The following MECOM variants were observed in gnomAD, a reference collection of about 807,000 sequenced individuals.
The protein encoded by MECOM is histone-lysine N-methyltransferase MECOM.
A neutral mutation model predicts 116.3 loss-of-function variants in MECOM; 13 were observed. That is an observed-to-expected ratio of 0.11 (90% CI 0.07 to 0.18). MECOM has a LOEUF of 0.18. MECOM is among the 10% of genes least tolerant of loss of function. The pLI, the probability that MECOM is intolerant of heterozygous loss-of-function variation, is 1.00. For synonymous variants in MECOM, 528 were observed against 535.2 expected (o/e 0.99, Z 0.19); for missense variants, 1,299 against 1,509.0 (o/e 0.86, Z 2.31).
intron 1 of MECOM, among the ~76,000 whole-genome samples, chr3:169,409,046 AG>A (rs1396658116): frequency 2.0e-5 from 3 of 152,136 alleles, no homozygotes; most frequent in Non-Finnish European, 2.9e-5. Flanking sequence ...ATGCTTAAGA[AG>A]GGGGGAAATT....
intron 1 of MECOM, among the ~76,000 whole-genome samples, chr3:169,586,581 C>T (rs746968781): frequency 5.3e-5 from 8 of 152,116 alleles, no homozygotes; most frequent in Non-Finnish European, 1.2e-4. Context: ...TTTTAATTTA[C>T]CATTTGTCAG....
At chr3:169,191,764 AAGAAAG>A (rs1559973873) in intron 2 of MECOM, among the ~76,000 whole-genome samples, 48 of 126,792 alleles carry the variant, frequency 3.8e-4, no homozygotes, top group Middle Eastern at 8.0e-3. Context: ...GAAAGAAAGA[AAGAAAG>A]AAAGAAAGAA....
intron 2 of MECOM, among the ~76,000 whole-genome samples, chr3:169,357,610 T>C (rs1371403573): frequency 6.6e-6 from 1 of 151,842 alleles, no homozygotes; most frequent in African/African-American, 2.4e-5. Flanking sequence ...CAAGGACTAA[T>C]TACAGGTGTG....
intron 1 of MECOM, among the ~76,000 whole-genome samples, chr3:169,488,078 C>A (rs1752620192): frequency 6.6e-6 from 1 of 151,886 alleles, no homozygotes; most frequent in South Asian, 2.1e-4. Context: ...GACAGCATTA[C>A]AAGAAATAAA....
chr3:169,211,252 T>G (rs1243729786), intron 2 of MECOM, among the ~76,000 whole-genome samples: 1 of 152,114 alleles, frequency 6.6e-6, no homozygotes, highest in East Asian at 1.9e-4. Context: ...ATTTTTCTAC[T>G]CTCATGGGGC....
intron 1 of MECOM, among the ~76,000 whole-genome samples, chr3:169,566,798 C>T (rs765558202): frequency 1.3e-5 from 2 of 152,222 alleles, no homozygotes; most frequent in Non-Finnish European, 2.9e-5. Flanking sequence ...CGTCTGCCCA[C>T]CTATGCAGGA....
intron 1 of MECOM, among the ~76,000 whole-genome samples, chr3:169,524,039 A>AT (rs1757688646): frequency 4.3e-5 from 6 of 138,240 alleles, no homozygotes; most frequent in Admixed American, 1.5e-4. Context: ...TATATGAATA[A>AT]ATATATATAT....
intron 2 of MECOM, among the ~76,000 whole-genome samples, chr3:169,208,895 CAA>C (rs11377362): frequency 1.5e-5 from 2 of 134,134 alleles, no homozygotes; most frequent in African/African-American, 2.8e-5. Flanking sequence ...CAATCGTAAG[CAA>C]AAAAAAAAAA....
At chr3:169,538,016 G>T (rs779833418) in intron 1 of MECOM, among the ~76,000 whole-genome samples, 4 of 152,064 alleles carry the variant, frequency 2.6e-5, no homozygotes, top group Admixed American at 2.0e-4. Context: ...AATGATACCT[G>T]GGGTCCTACC....
rs1560340637 is a variant in MECOM, at chr3:169,485,964, C to CATA, written c.38-104441_38-104440insTAT. ...ATGTATGTATATATGTACATATATA[C>CATA]TATATATACATATATATATAGTATA... On this transcript the variant is annotated intron_variant, in intron 1 of 16. Transcript: ENST00000651503. Among the ~76,000 whole-genome samples the CATA allele has an allele frequency of 2.1e-3, 198 of 94,356 alleles. 4 individuals are homozygous for CATA. The highest frequency in any genetic ancestry group is 0.01 in the African/African-American group (196 of 19,314). 61.9% of individuals were successfully genotyped at this position (94,356 alleles called of 152,430 possible).
intron 2 of MECOM, among the ~76,000 whole-genome samples, chr3:169,357,344 G>C (rs1033233628): frequency 6.6e-6 from 1 of 151,794 alleles, no homozygotes; most frequent in Non-Finnish European, 1.5e-5. Flanking sequence ...GATCCTCAGA[G>C]CTAGAGAGAA....
chr3:169,121,889 T>C lies in MECOM; in HGVS notation c.979-680A>G, dbSNP rs557114777. The stretch of plus-strand genomic sequence containing the variant: ...ACCTGGTGGGGTACAGAAATTTCCA[T>C]TGGCATGAAAAAAAAAAAGCTATTA... On this transcript the variant is annotated intron_variant, in intron 6 of 16. Transcript: ENST00000651503. Among the ~76,000 whole-genome samples the C allele has an allele frequency of 2.2e-5, 3 of 138,404 alleles. No homozygotes were observed. In the South Asian group the frequency reaches 6.8e-4, roughly 32 times the overall value. The allele number at this position is 138,404 out of a possible 152,430, so 90.8% of individuals were successfully genotyped here.
chr3:169,559,472 C>T (rs1762408575), intron 1 of MECOM, among the ~76,000 whole-genome samples: 1 of 152,180 alleles, frequency 6.6e-6, no homozygotes, highest in Non-Finnish European at 1.5e-5. Flanking sequence ...AGGCATTCTA[C>T]TATACGTCTG....
intron 1 of MECOM, among the ~76,000 whole-genome samples, chr3:169,471,250 C>T (rs1255958055): frequency 6.6e-6 from 1 of 152,138 alleles, no homozygotes; most frequent in Non-Finnish European, 1.5e-5. Flanking sequence ...CCTCGGCTTC[C>T]CAAAGTGCTG....
At chr3:169,472,508 G>GA (rs1560317589) in intron 1 of MECOM, among the ~76,000 whole-genome samples, 39 of 84,138 alleles carry the variant, frequency 4.6e-4, no homozygotes, top group East Asian at 1.5e-3. Context: ...GAAAGGAAAG[G>GA]AAAGGAAAGG....
chr3:169,209,802 C>T (rs1750471553), intron 2 of MECOM, among the ~76,000 whole-genome samples: 1 of 152,082 alleles, frequency 6.6e-6, no homozygotes, highest in Admixed American at 6.6e-5. Flanking sequence ...GTGGCGATTC[C>T]TCAAGTATCT....
chr3:169,147,476 G>T, intron 2 of MECOM: 2 of 985,490 alleles, frequency 2.0e-6, no homozygotes, highest in Non-Finnish European at 2.4e-6. Context: ...TGATCTGATC[G>T]GAAGCCAGAC....
At chr3:169,329,882 G>C (rs938458724) in intron 2 of MECOM, among the ~76,000 whole-genome samples, 3 of 152,190 alleles carry the variant, frequency 2.0e-5, no homozygotes, top group African/African-American at 7.2e-5. Context: ...ACCAAGTGAG[G>C]GGGTAGAGAA....
intron 2 of MECOM, among the ~76,000 whole-genome samples, chr3:169,236,889 G>A (rs1754133643): frequency 1.3e-5 from 2 of 152,140 alleles, no homozygotes; most frequent in Admixed American, 1.3e-4. Flanking sequence ...CATCTGTACT[G>A]AGTCTGTCAC....
Sources: gnomAD v4.1 joint callset for allele counts (sites outside exome capture counted in the v4.1 genomes callset) on GRCh38, gnomAD v4.1.1 for gene constraint, MANE v1.5 for transcripts, NCBI Gene and HGNC (gene_info 2026-07-23, HGNC 2026-07-21) for gene names.